Variants in ABCC2 observed in about 807,000 individuals in gnomAD.
ABCC2 encodes the protein ATP-binding cassette sub-family C member 2.
ABCC2 carries 157 observed loss-of-function variants against 173.4 expected under a neutral mutation model. The ratio of observed to expected loss-of-function variants is 0.91; its 90% CI spans 0.80 to 1.03. The LOEUF (loss-of-function observed/expected upper bound fraction) is 1.03, where lower values mean the gene tolerates loss of function less well. Ranked by LOEUF, ABCC2 falls within the 50% of genes least tolerant of loss-of-function variation. The pLI, the probability that ABCC2 is intolerant of heterozygous loss-of-function variation, is 0.00. For synonymous variants in ABCC2, 657 were observed against 693.5 expected, an observed-to-expected ratio of 0.95 and a Z score of 0.83; for missense variants, 1,822 against 1,852.3, an observed-to-expected ratio of 0.98 and a Z score of 0.30.
Position 99,804,064 on chromosome 10 carries a change from G to C in ABCC2, c.1255G>C (p.Glu419Gln). The change falls in exon 10 of 32, where the codon GAA becomes CAA. Residue 419 changes from glutamate to glutamine, a missense_variant. Glu to Gln is a conservative substitution (Grantham distance 29). Coordinates refer to ENST00000647814, the MANE Select transcript of ABCC2 (RefSeq NM_000392.5). ...NLARKEYTVG[E>Q]TVNLMSVDAQ... ...GGCCAGGAAGGAGTACACCGTTGGA[G>C]AAACAGTGAACCTGATGTCTGTGGA... The C allele has an allele frequency of 6.2e-7, 1 of 1,614,152 alleles. No individual in the cohort carries two copies. The highest frequency in any genetic ancestry group is 8.5e-7 in the Non-Finnish European group (1 of 1,180,016).
In ABCC2 at chr10:99,799,440, G is replaced by A. The variant is rs1013634305; in HGVS notation, c.1031+70G>A. The A allele has an allele frequency of 2.6e-6, 4 of 1,529,276 alleles. No individual in the cohort carries two copies. The Admixed American group carries it at 6.7e-5, about 26-fold the overall frequency. 94.7% of individuals were successfully genotyped at this position (1,529,276 alleles called of 1,614,324 possible). A position where few individuals can be genotyped will look rare whatever the true frequency, so the allele number is the denominator to read the frequency against. On this transcript the variant is annotated intron_variant, in intron 8 of 31. Coordinates refer to ENST00000647814, the MANE Select transcript of ABCC2 (RefSeq NM_000392.5). ...CACCCTCCTTTTTGCCACTGTGTATGCAAGCAGGAGCTTTTCTTAAATTCC... is the reference window on the plus strand; with the variant it reads ...CACCCTCCTTTTTGCCACTGTGTATACAAGCAGGAGCTTTTCTTAAATTCC...
chr10:99,848,895 G>C (rs911680776), intron 30 of ABCC2, among the ~76,000 whole-genome samples: 11 of 152,190 alleles, frequency 7.2e-5, no homozygotes, highest in African/African-American at 4.8e-5. Flanking sequence ...CTTTAGGCCA[G>C]TGTAAAAGAT....
intron 2 of ABCC2, among the ~76,000 whole-genome samples, chr10:99,791,056 T>G (rs566150069): frequency 6.6e-6 from 1 of 152,160 alleles, no homozygotes; most frequent in South Asian, 2.1e-4. Flanking sequence ...TTTAAAACAG[T>G]GTAATGTGTA....
At position 99,834,888 on chromosome 10, in the gene ABCC2, G is replaced by A. The variant is rs373971264; in HGVS notation, c.3414+353G>A. Reference sequence around the variant, plus strand: ...TAAGAACCCCCATGACGATTAGGTCGGTTCCAGAAGAGCCATGCTATGGTG... The same window carrying A: ...TAAGAACCCCCATGACGATTAGGTCAGTTCCAGAAGAGCCATGCTATGGTG... On this transcript the variant is annotated intron_variant, in intron 24 of 31. Transcript: ENST00000647814. Among the ~76,000 whole-genome samples, 49 of 152,322 alleles carry A rather than the reference G, an allele frequency of 3.2e-4. No individual in the cohort carries two copies. The South Asian group carries it at 4.1e-3, about 13-fold the overall frequency.
chr10:99,782,991 T>G, intron 1 of ABCC2, 114 bp downstream of exon 1: 1 of 1,020,246 alleles, frequency 9.8e-7, no homozygotes, highest in Non-Finnish European at 1.5e-6. Flanking sequence ...GTGCAATTGG[T>G]CTAAAGCTCA....
In ABCC2 at chr10:99,808,195, G is replaced by A. The variant is rs777261910; in HGVS notation, c.1781G>A (p.Ser594Asn). 2.5e-6 allele frequency: 4 copies of A among 1,613,970 alleles called. No individual in the cohort carries two copies. The African/African-American group carries it at 5.3e-5, about 22-fold the overall frequency. Residue 594 changes from serine (S) to asparagine (N), a missense_variant, in exon 13 of 32, where the codon AGC becomes AAC. Ser to Asn is a conservative substitution (Grantham distance 46). Coordinates refer to ENST00000647814, the MANE Select transcript of ABCC2 (RefSeq NM_000392.5). ...TLFNILRFPL[S>N]MLPMMISSML... is the part of the protein sequence containing the mutation. The stretch of plus-strand genomic sequence containing the variant: ...TTCAATATCCTGCGCTTTCCCCTGA[G>A]CATGCTTCCCATGATGATCTCCTCC...
chr10:99,808,747 C>G (rs1031973090), intron 13 of ABCC2, among the ~76,000 whole-genome samples: 1 of 152,160 alleles, frequency 6.6e-6, no homozygotes, highest in Non-Finnish European at 1.5e-5. Context: ...AAAAACTGAG[C>G]ATAGTCACTG....
chr10:99,800,892 G>T (rs879427576), intron 9 of ABCC2, among the ~76,000 whole-genome samples: 5 of 152,130 alleles, frequency 3.3e-5, no homozygotes, highest in Admixed American at 6.5e-5. Flanking sequence ...AAATGCCTTG[G>T]AAAAGAATAT....
At chr10:99,799,670 G>C (rs2037980340) in intron 8 of ABCC2, among the ~76,000 whole-genome samples, 1 of 152,112 alleles carries the variant, frequency 6.6e-6, no homozygotes, top group Admixed American at 6.6e-5. Flanking sequence ...CCAAGTGGCG[G>C]GTAGCATACC....
In ABCC2 at chr10:99,805,541, T is replaced by C. The variant is rs2038085729; in HGVS notation, c.1530+94T>C. On this transcript the variant is annotated intron_variant, in intron 11 of 31. Transcript: ENST00000647814. ...AACCCTGGTAGAGGTGATGGATTCC[T>C]GCTTCTGGGCCGGTTGTGTCACATG... 4 of 1,276,862 alleles carry C rather than the reference T, an allele frequency of 3.1e-6. No homozygotes were observed. The Admixed American group carries it at 6.7e-5, about 21-fold the overall frequency. The allele number at this position is 1,276,862 out of a possible 1,614,324, so 79.1% of individuals were successfully genotyped here.
intron 19 of ABCC2, among the ~76,000 whole-genome samples, chr10:99,828,756 G>A (rs1485090832): frequency 1.3e-5 from 2 of 152,110 alleles, no homozygotes; most frequent in Non-Finnish European, 2.9e-5. Flanking sequence ...AGCCTTTGCT[G>A]AGAGGTTCTG....
intron 19 of ABCC2, among the ~76,000 whole-genome samples, chr10:99,824,635 A>G (rs2038596735): frequency 6.6e-6 from 1 of 151,074 alleles, no homozygotes. Flanking sequence ...GTAAAGGCAA[A>G]TTTTTCGCAA....
intron 9 of ABCC2, among the ~76,000 whole-genome samples, chr10:99,803,221 G>C (rs757938187): frequency 2.0e-5 from 3 of 152,158 alleles, no homozygotes; most frequent in African/African-American, 4.8e-5. Context: ...TGCCTGCCTC[G>C]TCCTTCCAAA....
At chr10:99,815,503 C>T (rs2902299) in intron 16 of ABCC2, among the ~76,000 whole-genome samples, 6,891 of 150,984 alleles carry the variant, frequency 0.046, 180 homozygotes, top group Middle Eastern at 0.16. Context: ...GCTAATTATG[C>T]TTTTTTTTTT....
chr10:99,806,930 G>C (rs1438083479), intron 11 of ABCC2, among the ~76,000 whole-genome samples: 1 of 152,224 alleles, frequency 6.6e-6, no homozygotes, highest in Non-Finnish European at 1.5e-5. Flanking sequence ...AAAACTAAAA[G>C]AGAGAGCTGG....
intron 16 of ABCC2, among the ~76,000 whole-genome samples, chr10:99,814,260 C>T (rs543706208): frequency 1.6e-4 from 5 of 30,908 alleles, no homozygotes; most frequent in African/African-American, 5.6e-4. Context: ...TATGTATACA[C>T]ACGTATGTAT....
Position 99,797,348 on chromosome 10 carries a change from T to C in ABCC2, c.867+17T>C, listed in dbSNP as rs1202854467. 1 of 1,604,068 alleles carries C rather than the reference T, an allele frequency of 6.2e-7. No homozygotes were observed. On this transcript the variant is annotated intron_variant, in intron 7 of 31. Coordinates refer to ENST00000647814, the MANE Select transcript of ABCC2 (RefSeq NM_000392.5). ...CTTGTCCTGGTAACTTTCCCTTGAGTGTCTGTGTGAGCGCGCTGCATGTTT... is the reference window on the plus strand; with the variant it reads ...CTTGTCCTGGTAACTTTCCCTTGAGCGTCTGTGTGAGCGCGCTGCATGTTT...
At chr10:99,784,835 C>T (rs1216894440) in intron 2 of ABCC2, 54 bp downstream of exon 2, 2 of 1,594,298 alleles carry the variant, frequency 1.3e-6, no homozygotes, top group East Asian at 2.2e-5. Context: ...ACAGTAGAGA[C>T]ATTTTCTTGG....
intron 25 of ABCC2, 24 bp from the exon 26 acceptor site, chr10:99,841,943 C>T: frequency 6.2e-7 from 1 of 1,613,910 alleles, no homozygotes; most frequent in African/African-American, 1.3e-5. Context: ...GTGACACGCA[C>T]TCTCTGGTTC....
Sources: gnomAD v4.1 joint callset for allele counts (sites outside exome capture counted in the v4.1 genomes callset) on GRCh38, gnomAD v4.1.1 for gene constraint, MANE v1.5 for transcripts, NCBI Gene and HGNC (gene_info 2026-07-23, HGNC 2026-07-21) for gene names.